The following PGPEP1L variants were observed in gnomAD, a reference collection of about 807,000 sequenced individuals.
PGPEP1L encodes the protein pyroglutamyl-peptidase I like, also known as pyroglutamyl-peptidase 1-like protein.
PGPEP1L carries 7 observed loss-of-function variants against 6.0 expected under a neutral mutation model. The ratio of observed to expected loss-of-function variants is 1.17; its 90% CI spans 0.66 to 2.19. The LOEUF (loss-of-function observed/expected upper bound fraction) is 2.19. Among genes scored for constraint, PGPEP1L ranks in the 30% most tolerant of loss-of-function variants. The pLI is 0.00. For missense variants in PGPEP1L, 209 were observed against 192.5 expected, an observed-to-expected ratio of 1.09 and a Z score of -0.51; for synonymous variants, 103 against 83.9, an observed-to-expected ratio of 1.23 and a Z score of -1.24.
At chr15:99,000,663 C>T (rs1381221588) in intron 2 of PGPEP1L, among the ~76,000 whole-genome samples, 3 of 152,158 alleles carry the variant, frequency 2.0e-5, no homozygotes, top group African/African-American at 7.2e-5. Context: ...TGTATCCACA[C>T]TCTGTATCTA....
intron 1 of PGPEP1L, among the ~76,000 whole-genome samples, chr15:99,006,293 C>T (rs1232872577): frequency 1.5e-4 from 23 of 152,244 alleles, no homozygotes; most frequent in Non-Finnish European, 2.8e-4. Context: ...TGCAAGCTTG[C>T]TAGCTCTGTG....
rs11292817 is a variant in PGPEP1L at position 99,003,203 on chromosome 15, T to TA, written c.-142+2225dup. Among the ~76,000 whole-genome samples the TA allele has an allele frequency of 5.5e-3, 738 of 135,122 alleles. 2 individuals carry two copies. Among genetic ancestry groups the TA allele is most frequent in the South Asian group, 0.015 (64 of 4,280 alleles). The allele number at this position is 135,122 out of a possible 152,430, so 88.6% of individuals were successfully genotyped here. On this transcript the variant is annotated intron_variant, in intron 2 of 4. Transcript: ENST00000535714. The stretch of plus-strand genomic sequence containing the variant: ...GGGCAGTTATAGAAAATAGTGAGAT[T>TA]AAAAAAAAAAAAAAGCACTGAGAAG...
intron 2 of PGPEP1L, among the ~76,000 whole-genome samples, chr15:98,979,006 G>A (rs1251370921): frequency 2.7e-5 from 4 of 149,260 alleles, no homozygotes; most frequent in Admixed American, 2.0e-4. Context: ...GGGATTACAG[G>A]TGTGAGCCGC....
chr15:98,982,700 C>CTTTTTTTTT lies in PGPEP1L; in HGVS notation c.-141-11551_-141-11543dup, dbSNP rs369749842. 1.5e-3 allele frequency among the ~76,000 whole-genome samples: 78 copies of CTTTTTTTTT among 52,506 alleles called. 13 individuals are homozygous for CTTTTTTTTT. The highest frequency in any genetic ancestry group is 2.2e-3 in the Non-Finnish European group (52 of 23,886). 34.4% of individuals were successfully genotyped at this position (52,506 alleles called of 152,430 possible). A position where few individuals can be genotyped will look rare whatever the true frequency, so the allele number is the denominator to read the frequency against. ...TCACTCTGGTTATTTTTATCTGAGG[C>CTTTTTTTTT]TTTTTTTTTTTTTTTTTTTTTTTTT... is the stretch of plus-strand genomic sequence containing the variant. On this transcript the variant is annotated intron_variant, in intron 2 of 4. Transcript: ENST00000535714.
chr15:98,986,409 A>G (rs1317383082), intron 2 of PGPEP1L, among the ~76,000 whole-genome samples: 3 of 152,246 alleles, frequency 2.0e-5, no homozygotes, highest in South Asian at 2.1e-4. Flanking sequence ...GGAATCTCCA[A>G]TAAAAACTCT....
chr15:98,981,824 TAA>T (rs548937619), intron 2 of PGPEP1L, among the ~76,000 whole-genome samples: 2 of 152,152 alleles, frequency 1.3e-5, no homozygotes, highest in African/African-American at 4.8e-5. Context: ...TATTTTTAAA[TAA>T]AAAGTTTGTC....
At chr15:98,987,359 C>T (rs2017762380) in intron 2 of PGPEP1L, among the ~76,000 whole-genome samples, 1 of 152,088 alleles carries the variant, frequency 6.6e-6, no homozygotes, top group Non-Finnish European at 1.5e-5. Flanking sequence ...GACAGGGTCA[C>T]ATGACTTTGG....
intron 2 of PGPEP1L, among the ~76,000 whole-genome samples, chr15:98,993,889 C>T (rs1596524636): frequency 6.6e-6 from 1 of 152,004 alleles, no homozygotes; most frequent in Non-Finnish European, 1.5e-5. Context: ...AAAAGTTACT[C>T]TTGAAATTTT....
intron 2 of PGPEP1L, among the ~76,000 whole-genome samples, chr15:98,982,193 G>A (rs2017674215): frequency 6.6e-6 from 1 of 152,236 alleles, no homozygotes; most frequent in African/African-American, 2.4e-5. Context: ...CTCCATGCAT[G>A]TGGACCGTGG....
intron 2 of PGPEP1L, among the ~76,000 whole-genome samples, chr15:98,981,275 G>A (rs1431674807): frequency 2.0e-5 from 3 of 151,922 alleles, no homozygotes; most frequent in African/African-American, 2.4e-5. Flanking sequence ...GGCGGATCAC[G>A]AGGTCAGGAG....
chr15:98,983,848 C>T (rs572983014), intron 2 of PGPEP1L, among the ~76,000 whole-genome samples: 31 of 152,116 alleles, frequency 2.0e-4, no homozygotes, highest in African/African-American at 7.5e-4. Flanking sequence ...TATCCTTTTC[C>T]CATTCATGAG....
chr15:99,002,064 T>C (rs920430790), intron 2 of PGPEP1L, among the ~76,000 whole-genome samples: 2 of 151,874 alleles, frequency 1.3e-5, no homozygotes, highest in Non-Finnish European at 2.9e-5. Flanking sequence ...CAGGCTGGAG[T>C]GTAGTACCAC....
chr15:98,990,291 A>G (rs2017802225), intron 2 of PGPEP1L, among the ~76,000 whole-genome samples: 1 of 152,202 alleles, frequency 6.6e-6, no homozygotes, highest in Admixed American at 6.5e-5. Context: ...TGGAAAGAAA[A>G]AAAAAAGCAG....
intron 2 of PGPEP1L, among the ~76,000 whole-genome samples, chr15:98,985,281 G>A (rs1331226392): frequency 1.3e-5 from 2 of 152,180 alleles, no homozygotes; most frequent in African/African-American, 2.4e-5. Context: ...GCTCACACCT[G>A]TAATCCTAGC....
intron 2 of PGPEP1L, among the ~76,000 whole-genome samples, chr15:98,995,474 G>A (rs977724422): frequency 3.3e-5 from 5 of 152,198 alleles, no homozygotes; most frequent in Non-Finnish European, 7.3e-5. Context: ...AAGGTGGGCA[G>A]ATCACCTGAG....
chr15:99,004,912 G>GC (rs1264930967), intron 2 of PGPEP1L, among the ~76,000 whole-genome samples: 1 of 151,784 alleles, frequency 6.6e-6, no homozygotes, highest in Admixed American at 6.6e-5. Context: ...CTCGGGGGGT[G>GC]CTTCACAGCT....
At chr15:98,971,802 A>AG (rs1323658274) in intron 2 of PGPEP1L, among the ~76,000 whole-genome samples, 5 of 152,264 alleles carry the variant, frequency 3.3e-5, no homozygotes, top group Admixed American at 1.3e-4. Flanking sequence ...CTTAAGTGTG[A>AG]GACTAAAAGA....
At chr15:98,979,630 ATTC>A (rs1567236767) in intron 2 of PGPEP1L, among the ~76,000 whole-genome samples, 6 of 105,920 alleles carry the variant, frequency 5.7e-5, no homozygotes, top group African/African-American at 1.9e-4. Context: ...ATTGGAGACT[ATTC>A]TTTTTTTTTT....
At position 98,992,152 on chromosome 15, in the gene PGPEP1L, T is replaced by C. The variant is rs553369036; in HGVS notation, c.-142+13277A>G. 7.6e-4 allele frequency among the ~76,000 whole-genome samples: 115 copies of C among 152,260 alleles called. 1 individual carries two copies. The highest frequency in any genetic ancestry group is 2.1e-3 in the South Asian group (10 of 4,812). On this transcript the variant is annotated intron_variant, in intron 2 of 4. Coordinates refer to ENST00000535714, the MANE Select transcript of PGPEP1L (RefSeq NM_001167902.2). ...GGTATTCAAATAGGAAGAGAAGAAG[T>C]CAAATTGTCTCTGTTTGCAGATGAA...
Sources: allele counts gnomAD v4.1 joint callset (sites outside exome capture counted in the v4.1 genomes callset), GRCh38; gene constraint gnomAD v4.1.1; transcripts MANE v1.5; gene names NCBI Gene and HGNC (gene_info 2026-07-23, HGNC 2026-07-21).